MDFIC: variants seen among roughly 807,000 people sequenced by gnomAD.
MDFIC encodes myoD family inhibitor domain-containing protein.
Under a neutral mutation model 23.2 loss-of-function variants are expected in MDFIC, and 17 were observed. That is an observed-to-expected ratio of 0.73 (90% CI 0.50 to 1.10). MDFIC has a LOEUF of 1.10. MDFIC is among the 50% of genes least tolerant of loss of function. MDFIC has a pLI of 0.00. For synonymous variants in MDFIC, 120 were observed against 115.2 expected, an observed-to-expected ratio of 1.04 and a Z score of -0.27; for missense variants, 356 against 316.6, an observed-to-expected ratio of 1.12 and a Z score of -0.95.
At chr7:115,014,184 G>A (rs80329106) in intron 4 of MDFIC, 19,709 of 985,338 alleles carry the variant, frequency 0.02, 229 homozygotes, top group South Asian at 0.042. Flanking sequence ...TACAAAGTTA[G>A]AGACTGCAGA....
intron 4 of MDFIC, among the ~76,000 whole-genome samples, chr7:114,998,197 G>A (rs1433194368): frequency 6.6e-6 from 1 of 152,150 alleles, no homozygotes; most frequent in African/African-American, 2.4e-5. Flanking sequence ...AAAACTGTCT[G>A]ATGACTCATG....
chr7:114,959,607 A>G (rs998240320), intron 3 of MDFIC, among the ~76,000 whole-genome samples: 2 of 152,118 alleles, frequency 1.3e-5, no homozygotes, highest in East Asian at 1.9e-4. Context: ...TTCAACTTAG[A>G]GAGTTTCCAG....
intron 3 of MDFIC, among the ~76,000 whole-genome samples, chr7:114,968,271 A>G (rs987660654): frequency 5.3e-5 from 8 of 152,206 alleles, no homozygotes; most frequent in African/African-American, 1.9e-4. Context: ...CCCCCAAATC[A>G]TGCTCCAAAA....
chr7:114,939,575 A>G lies in MDFIC; in HGVS notation c.95-2700A>G, dbSNP rs574600897. Among the ~76,000 whole-genome samples, 3 of 152,224 alleles carry G rather than the reference A, an allele frequency of 2.0e-5. No homozygotes were observed. The South Asian group carries it at 6.2e-4, about 32-fold the overall frequency. On this transcript the variant is annotated intron_variant, in intron 2 of 4. Transcript: ENST00000393486. Reference sequence around the variant, plus strand: ...ATTAATAACAATTTAGAGCAGGAAGAACTTTATTTTTTGCCTAGAGTGGGT... The same window carrying G: ...ATTAATAACAATTTAGAGCAGGAAGGACTTTATTTTTTGCCTAGAGTGGGT...
At chr7:114,922,738 A>G (rs574480165) in intron 1 of MDFIC, 102 bp downstream of exon 1, 3 of 1,338,602 alleles carry the variant, frequency 2.2e-6, no homozygotes, top group East Asian at 6.0e-5. Context: ...CGCTGGGTCC[A>G]CCTCGGACCC....
At chr7:114,958,090 A>C (rs1792916602) in intron 3 of MDFIC, among the ~76,000 whole-genome samples, 1 of 152,230 alleles carries the variant, frequency 6.6e-6, no homozygotes. Context: ...AAAGAGTAGA[A>C]GGAGCATAGC....
At chr7:114,943,043 T>C (rs4609131) in intron 3 of MDFIC, among the ~76,000 whole-genome samples, 123,571 of 152,050 alleles carry the variant, frequency 0.81, 51,993 homozygotes, top group Non-Finnish European at 0.92. Flanking sequence ...CAATGAATTA[T>C]TCGACATAGC....
chr7:114,984,612 ATACT>A lies in MDFIC; in HGVS notation c.493+4833_493+4836del, dbSNP rs560757189. Among the ~76,000 whole-genome samples the A allele has an allele frequency of 1.7e-3, 254 of 152,336 alleles. 1 individual carries two copies. The highest frequency in any genetic ancestry group is 5.7e-3 in the African/African-American group (238 of 41,588). On this transcript the variant is annotated intron_variant, in intron 4 of 4. Coordinates refer to ENST00000393486, the MANE Select transcript of MDFIC (RefSeq NM_001166345.3). ...TTTGTATAATTAAATATTTTCATAC[ATACT>A]TTAATTTTCTGATTGCATCACCCAG...
In MDFIC at chr7:114,923,044, C is replaced by A; in HGVS notation, c.11C>A (p.Ala4Glu). 7.4e-7 allele frequency: 1 copy of A among 1,358,022 alleles called. No individual in the cohort carries two copies. The highest frequency in any genetic ancestry group is 9.5e-7 in the Non-Finnish European group (1 of 1,057,640). 84.1% of individuals were successfully genotyped at this position (1,358,022 alleles called of 1,614,324 possible). A position where few individuals can be genotyped will look rare whatever the true frequency, so the allele number is the denominator to read the frequency against. Residue 4 changes from alanine to glutamate, a missense_variant, in exon 2 of 5, where the codon GCG (alanine) becomes GAG (glutamate). By Grantham distance (107) the Ala-to-Glu change is moderately radical. Transcript: ENST00000393486. Reference sequence around the variant, plus strand: ...TCGGCGGAGCGGCCCATGTCCGGCGCGGGCGAAGCCCTCGCTCCCGGGCCC... The same window carrying A: ...TCGGCGGAGCGGCCCATGTCCGGCGAGGGCGAAGCCCTCGCTCCCGGGCCC... Reference protein sequence around the residue: MSGAGEALAPGPVG... With the variant: MSGEGEALAPGPVG...
intron 3 of MDFIC, among the ~76,000 whole-genome samples, chr7:114,956,172 C>T (rs1044548073): frequency 1.3e-5 from 2 of 152,072 alleles, no homozygotes; most frequent in African/African-American, 4.8e-5. Flanking sequence ...GTCCACTTTC[C>T]TAGTTGAAAA....
At chr7:115,014,346 G>T in intron 4 of MDFIC, 1 of 1,267,006 alleles carries the variant, frequency 7.9e-7, no homozygotes, top group Non-Finnish European at 1.0e-6. Context: ...GAGGGATTCT[G>T]TCAATTCACA....
intron 4 of MDFIC, among the ~76,000 whole-genome samples, chr7:115,015,225 C>T (rs909925756): frequency 6.6e-6 from 1 of 152,152 alleles, no homozygotes; most frequent in Non-Finnish European, 1.5e-5. Context: ...ATATATAAAA[C>T]ATTTCTTATT....
chr7:115,005,875 A>G (rs1352949345), intron 4 of MDFIC, among the ~76,000 whole-genome samples: 1 of 152,234 alleles, frequency 6.6e-6, no homozygotes, highest in Non-Finnish European at 1.5e-5. Flanking sequence ...AAGAGTAACA[A>G]TGTCATCATT....
chr7:114,991,697 C>T (rs1270872763), intron 4 of MDFIC, among the ~76,000 whole-genome samples: 2 of 152,136 alleles, frequency 1.3e-5, no homozygotes, highest in African/African-American at 4.8e-5. Context: ...CTGTTCTGTT[C>T]CATTGGTCTA....
At chr7:114,970,920 G>T (rs923565885) in intron 3 of MDFIC, among the ~76,000 whole-genome samples, 1 of 152,102 alleles carries the variant, frequency 6.6e-6, no homozygotes, top group Admixed American at 6.6e-5. Flanking sequence ...ACTCACCAGC[G>T]CTTGAACCAC....
At chr7:114,941,975 C>T (rs1792550224) in intron 2 of MDFIC, among the ~76,000 whole-genome samples, 1 of 152,102 alleles carries the variant, frequency 6.6e-6, no homozygotes, top group African/African-American at 2.4e-5. Context: ...CTTCCTGTAA[C>T]CTTTTCACAT....
At chr7:114,923,195 C>A in intron 2 of MDFIC, 68 bp downstream of exon 2, 3 of 1,513,526 alleles carry the variant, frequency 2.0e-6, no homozygotes, top group Non-Finnish European at 2.7e-6. Context: ...CTCACAAGTG[C>A]ACAGATAGGG....
At chr7:114,984,049 A>G (rs2115986436) in intron 4 of MDFIC, among the ~76,000 whole-genome samples, 1 of 152,302 alleles carries the variant, frequency 6.6e-6, no homozygotes, top group Non-Finnish European at 1.5e-5. Flanking sequence ...ACTCAAACTC[A>G]GACATTCTGG....
intron 4 of MDFIC, among the ~76,000 whole-genome samples, chr7:115,006,962 G>T (rs1156925622): frequency 9.8e-6 from 1 of 102,464 alleles, no homozygotes; most frequent in Non-Finnish European, 2.1e-5. Context: ...AAAATAAATA[G>T]ATAATAATTG....
Sources: gnomAD v4.1 joint callset for allele counts (sites outside exome capture counted in the v4.1 genomes callset) on GRCh38, gnomAD v4.1.1 for gene constraint, MANE v1.5 for transcripts, NCBI Gene and HGNC (gene_info 2026-07-23, HGNC 2026-07-21) for gene names.